FAM120B: variants seen among roughly 807,000 people sequenced by gnomAD.
FAM120B encodes the protein constitutive coactivator of peroxisome proliferator-activated receptor gamma.
FAM120B carries 83 observed loss-of-function variants against 96.3 expected under a neutral mutation model. That is an observed-to-expected ratio of 0.86 (90% CI 0.72 to 1.03). FAM120B has a LOEUF of 1.03. Among genes scored for constraint, FAM120B ranks in the 50% least tolerant of loss-of-function variants. The pLI is 0.00. For missense variants in FAM120B, 1,027 were observed against 1,121.2 expected (o/e 0.92, Z 1.20); for synonymous variants, 407 against 402.7 (o/e 1.01, Z -0.13).
intron 6 of FAM120B, among the ~76,000 whole-genome samples, chr6:170,376,621 T>C (rs548674496): frequency 7.5e-4 from 114 of 152,296 alleles, no homozygotes; most frequent in African/African-American, 2.7e-3. Context: ...TGGTCACTGC[T>C]CACCTTGTTG....
chr6:170,336,640 G>T (rs573531243), intron 4 of FAM120B, among the ~76,000 whole-genome samples: 21 of 152,156 alleles, frequency 1.4e-4, no homozygotes, highest in Admixed American at 2.0e-4. Flanking sequence ...CCATTTTCAT[G>T]ATATTAATTC....
At chr6:170,382,250 C>T (rs1019969332) in intron 6 of FAM120B, among the ~76,000 whole-genome samples, 1 of 152,058 alleles carries the variant, frequency 6.6e-6, no homozygotes, top group Non-Finnish European at 1.5e-5. Flanking sequence ...GTAAGACCCC[C>T]ATCTCTACAA....
intron 6 of FAM120B, among the ~76,000 whole-genome samples, chr6:170,376,484 G>T (rs546315285): frequency 1.3e-5 from 2 of 151,918 alleles, no homozygotes; most frequent in Non-Finnish European, 2.9e-5. Context: ...ACACGGGGGT[G>T]GGGGGGAGGC....
chr6:170,291,497 A>G (rs1007470515), upstream of FAM120B, among the ~76,000 whole-genome samples: 22 of 150,766 alleles, frequency 1.5e-4, no homozygotes, highest in African/African-American at 4.9e-4. Flanking sequence ...TCTTCGGGGC[A>G]GGCGCTTCCT....
chr6:170,368,822 G>GA (rs1554287942), intron 6 of FAM120B, among the ~76,000 whole-genome samples: 2 of 126,176 alleles, frequency 1.6e-5, no homozygotes, highest in Non-Finnish European at 1.8e-5. Flanking sequence ...GCCGGGGCTG[G>GA]GGGGGGGGCT....
Position 170,317,849 on chromosome 6 carries a change from G to T in FAM120B, c.459G>T (p.Leu153Phe), listed in dbSNP as rs1339490783. 9.3e-6 allele frequency: 15 copies of T among 1,614,110 alleles called. No homozygotes were observed. In the Admixed American group the frequency reaches 2.5e-4, roughly 27 times the overall value. Residue 153 changes from leucine (L) to phenylalanine (F), a missense_variant, in exon 2 of 11, where the codon TTG (leucine) becomes TTT (phenylalanine). Leu to Phe is a conservative substitution (Grantham distance 22, BLOSUM62 0). Coordinates refer to ENST00000476287, the MANE Select transcript of FAM120B (RefSeq NM_032448.3). The stretch of plus-strand genomic sequence containing the variant: ...TAAAGACACTGGGCCAGGAAACTTT[G>T]TGTTCTTTGCAGGAAGCAGATTATG... ...FALKTLGQET[L>F]CSLQEADYEV...
intron 2 of FAM120B, among the ~76,000 whole-genome samples, chr6:170,322,720 G>A (rs1027457355): frequency 2.0e-5 from 3 of 152,160 alleles, no homozygotes; most frequent in Non-Finnish European, 4.4e-5. Flanking sequence ...TGGTGTGAAG[G>A]ATGGGTTGGA....
At chr6:170,401,791 C>G (rs1039795913) in intron 9 of FAM120B, among the ~76,000 whole-genome samples, 10 of 152,182 alleles carry the variant, frequency 6.6e-5, no homozygotes, top group African/African-American at 2.4e-4. Flanking sequence ...TTGCTGAACC[C>G]CGGTAAGTAT....
intron 6 of FAM120B, among the ~76,000 whole-genome samples, chr6:170,387,969 G>A (rs1295224108): frequency 1.3e-5 from 2 of 152,160 alleles, no homozygotes; most frequent in African/African-American, 2.4e-5. Context: ...TTCCTGGGAG[G>A]CAAGAGACAC....
At chr6:170,303,472 G>A (rs1784185354), upstream of FAM120B, among the ~76,000 whole-genome samples, 1 of 152,184 alleles carries the variant, frequency 6.6e-6, no homozygotes, top group African/African-American at 2.4e-5. Context: ...CAACTCCTGG[G>A]CTCACAGAGT....
intron 4 of FAM120B, among the ~76,000 whole-genome samples, chr6:170,345,340 A>C (rs572909621): frequency 2.7e-4 from 41 of 152,194 alleles, no homozygotes; most frequent in Non-Finnish European, 4.1e-4. Context: ...ACGGTGACTC[A>C]TGCCTATAAT....
chr6:170,309,349 A>AT (rs1414454773), intron 1 of FAM120B, among the ~76,000 whole-genome samples: 3 of 152,216 alleles, frequency 2.0e-5, no homozygotes, highest in African/African-American at 7.2e-5. Flanking sequence ...TAATTATCTT[A>AT]TTTTTGCAAA....
chr6:170,384,232 A>C (rs1418969162), intron 6 of FAM120B, among the ~76,000 whole-genome samples: 1 of 152,154 alleles, frequency 6.6e-6, no homozygotes, highest in Non-Finnish European at 1.5e-5. Context: ...CTAGAACCTG[A>C]ATAAGGATTG....
intron 9 of FAM120B, among the ~76,000 whole-genome samples, chr6:170,398,119 G>T (rs1778292727): frequency 6.6e-6 from 1 of 152,244 alleles, no homozygotes; most frequent in Non-Finnish European, 1.5e-5. Context: ...TGTCACAGAG[G>T]AAACTGTAAA....
intron 6 of FAM120B, among the ~76,000 whole-genome samples, chr6:170,360,709 C>T (rs1788299212): frequency 7.9e-5 from 12 of 152,102 alleles, no homozygotes; most frequent in Admixed American, 7.9e-4. Flanking sequence ...TGTGACTGGG[C>T]AGCTTGTGAT....
At chr6:170,352,419 C>G (rs1787639013) in intron 5 of FAM120B, among the ~76,000 whole-genome samples, 1 of 152,180 alleles carries the variant, frequency 6.6e-6, no homozygotes, top group Non-Finnish European at 1.5e-5. Context: ...AGCTCTGGAT[C>G]ACTTGGACCT....
intron 5 of FAM120B, among the ~76,000 whole-genome samples, chr6:170,355,605 G>A (rs1012246774): frequency 3.3e-5 from 5 of 152,012 alleles, no homozygotes; most frequent in Admixed American, 2.0e-4. Context: ...AGGAAGAATC[G>A]CTAATGGATG....
At chr6:170,290,831 C>G, upstream of FAM120B, 1 of 625,898 alleles carries the variant, frequency 1.6e-6, no homozygotes, top group Non-Finnish European at 2.9e-6. This position sits in a 1 kb window ranked among gnomAD's most constrained non-coding sequence, Gnocchi z 4.7. Flanking sequence ...ACCGGAGGGG[C>G]CGGGCCGTGG....
In FAM120B at chr6:170,378,599, G is replaced by T. The variant is rs185992781; in HGVS notation, c.2284-9688G>T. 5.2e-3 allele frequency among the ~76,000 whole-genome samples: 793 copies of T among 152,332 alleles called. 8 individuals carry two copies. Among genetic ancestry groups the T allele is most frequent in the African/African-American group, 0.018 (748 of 41,574 alleles). On this transcript the variant is annotated intron_variant, in intron 6 of 10. Transcript: ENST00000476287. ...ACCCTTGTCGGATCTGCAGCCTAGA[G>T]GGGGAAGAGACAGGAGGCAGGAAGC...
Sources: gnomAD v4.1 joint callset for allele counts (sites outside exome capture counted in the v4.1 genomes callset) on GRCh38, gnomAD v4.1.1 for gene constraint, Gnocchi (gnomAD v3.1) non-coding constraint, MANE v1.5 for transcripts, NCBI Gene and HGNC (gene_info 2026-07-23, HGNC 2026-07-21) for gene names.